SV2C: variants seen among roughly 807,000 people sequenced by gnomAD.
SV2C encodes solute carrier family 22 member B3.
SV2C carries 49 observed loss-of-function variants against 79.7 expected under a neutral mutation model. The ratio of observed to expected loss-of-function variants is 0.61; its 90% CI spans 0.49 to 0.78. SV2C has a LOEUF of 0.78. SV2C is among the 30% of genes least tolerant of loss of function. SV2C has a pLI of 0.00. For synonymous variants in SV2C, 334 were observed against 333.2 expected (o/e 1.00, Z -0.03); for missense variants, 833 against 912.9 (o/e 0.91, Z 1.13).
chr5:76,123,642 A>G (rs952586505), intron 1 of SV2C, among the ~76,000 whole-genome samples: 1 of 152,204 alleles, frequency 6.6e-6, no homozygotes, highest in Non-Finnish European at 1.5e-5. Context: ...GATTATCTCA[A>G]TGGATGCAGA....
chr5:75,967,024 T>A, the SV2C span, among the ~76,000 whole-genome samples: 3 of 152,078 alleles, frequency 2.0e-5, no homozygotes, highest in Admixed American at 2.0e-4. Context: ...TATCATTACT[T>A]TGATTTTTTA....
At chr5:75,914,230 A>G in the SV2C span, among the ~76,000 whole-genome samples, 6 of 152,058 alleles carry the variant, frequency 3.9e-5, no homozygotes, top group Middle Eastern at 6.8e-3. Flanking sequence ...GTTCTTTTAT[A>G]GCTGCCTTCC....
the SV2C span, among the ~76,000 whole-genome samples, chr5:75,973,016 G>A: frequency 6.6e-6 from 1 of 152,046 alleles, no homozygotes; most frequent in Non-Finnish European, 1.5e-5. Flanking sequence ...ATGAGTTCAT[G>A]TCCTTTGTAG....
In SV2C at chr5:76,257,930, T is replaced by C. The variant is rs547792213; in HGVS notation, c.914-27232T>C. ...TGGGTGTGTGTGGTGTGTGTATGTG[T>C]ATGTGTGTGGTGTATGTGTAGTGTG... On this transcript the variant is annotated intron_variant, in intron 4 of 12. Coordinates refer to ENST00000502798, the MANE Select transcript of SV2C (RefSeq NM_014979.4). Among the ~76,000 whole-genome samples, 10 of 149,402 alleles carry C rather than the reference T, an allele frequency of 6.7e-5. No homozygotes were observed. The South Asian group carries it at 2.1e-3, about 32-fold the overall frequency.
the SV2C span, among the ~76,000 whole-genome samples, chr5:75,961,504 A>T: frequency 1.7e-4 from 26 of 152,138 alleles, 2 homozygotes; most frequent in South Asian, 5.4e-3. Flanking sequence ...GAAAAATAAA[A>T]ATAAAATCAT....
rs372553913 is a variant in SV2C, at chr5:76,287,812, C to T, written c.1137+1942C>T. Among the ~76,000 whole-genome samples the T allele has an allele frequency of 1.1e-4, 17 of 152,162 alleles. No individual in the cohort carries two copies. In the East Asian group the frequency reaches 1.7e-3, roughly 16 times the overall value. On this transcript the variant is annotated intron_variant, in intron 6 of 12. Transcript: ENST00000502798. ...TATAATTAGACTAAAAATGGCCAGGCGTGGTGACTCACACCCATAATCCCA... is the reference window on the plus strand; with the variant it reads ...TATAATTAGACTAAAAATGGCCAGGTGTGGTGACTCACACCCATAATCCCA...
chr5:75,934,489 C>T, the SV2C span, among the ~76,000 whole-genome samples: 6 of 151,698 alleles, frequency 4.0e-5, no homozygotes, highest in Non-Finnish European at 8.8e-5. Context: ...GGTTTCACTA[C>T]GTTGGCCAGA....
At chr5:76,155,635 CG>C (rs1742699604) in intron 2 of SV2C, among the ~76,000 whole-genome samples, 1 of 152,106 alleles carries the variant, frequency 6.6e-6, no homozygotes, top group South Asian at 2.1e-4. Flanking sequence ...TTGAATGTGG[CG>C]TGCTGAGAAT....
chr5:75,898,498 A>G, the SV2C span, among the ~76,000 whole-genome samples: 3 of 152,282 alleles, frequency 2.0e-5, no homozygotes, highest in South Asian at 2.1e-4. Context: ...TTTTGCATCA[A>G]TGTTCATCAA....
At chr5:76,048,965 G>GAGAAAGAAAGAAAGAAAGAAAGAA in the SV2C span, among the ~76,000 whole-genome samples, 2,334 of 58,150 alleles carry the variant, frequency 0.04, 112 homozygotes, top group Non-Finnish European at 0.043. Flanking sequence ...GAAAGAAAAA[G>GAGAAAGAAAGAAAGAAAGAAAGAA]AGAAAGAAAG....
intron 1 of SV2C, among the ~76,000 whole-genome samples, chr5:76,090,684 T>TA (rs1180967789): frequency 2.6e-5 from 4 of 152,334 alleles, no homozygotes; most frequent in African/African-American, 9.6e-5. Flanking sequence ...GTTCTAGTTC[T>TA]GCCTTTGTAG....
chr5:76,105,659 C>T (rs2112127757), intron 1 of SV2C, among the ~76,000 whole-genome samples: 1 of 152,264 alleles, frequency 6.6e-6, no homozygotes, highest in South Asian at 2.1e-4. Context: ...TGTGACCTTG[C>T]TAACAACTTC....
chr5:76,301,083 A>T, intron 11 of SV2C, 151 bp downstream of exon 11: 3 of 892,606 alleles, frequency 3.4e-6, no homozygotes, highest in Non-Finnish European at 5.1e-6. Context: ...AGTGAAAATT[A>T]TGTCTAATTA....
the SV2C span, among the ~76,000 whole-genome samples, chr5:75,857,248 C>T: frequency 7.9e-5 from 12 of 152,014 alleles, no homozygotes; most frequent in African/African-American, 2.2e-4. Context: ...TGAGCCACCG[C>T]GCCCGGCCGT....
chr5:76,039,104 T>C, the SV2C span, among the ~76,000 whole-genome samples: 2 of 152,208 alleles, frequency 1.3e-5, no homozygotes, highest in African/African-American at 4.8e-5. Flanking sequence ...GGACACACCT[T>C]GGAGAAAGAA....
the SV2C span, among the ~76,000 whole-genome samples, chr5:75,893,994 T>A: frequency 6.6e-6 from 1 of 152,074 alleles, no homozygotes; most frequent in Non-Finnish European, 1.5e-5. Context: ...GGGAACCAGA[T>A]CATGGAGAAT....
intron 1 of SV2C, among the ~76,000 whole-genome samples, chr5:76,121,689 C>T (rs1433913636): frequency 9.2e-5 from 14 of 151,706 alleles, no homozygotes; most frequent in East Asian, 1.9e-4. Flanking sequence ...AGATATGCGG[C>T]GTTATTTCTG....
chr5:76,140,748 C>A (rs1399785711), intron 2 of SV2C, among the ~76,000 whole-genome samples: 1 of 152,074 alleles, frequency 6.6e-6, no homozygotes, highest in Non-Finnish European at 1.5e-5. Flanking sequence ...ATTTTAAGAC[C>A]CATAACTTTT....
chr5:76,127,147 T>C (rs1011686944), intron 1 of SV2C, among the ~76,000 whole-genome samples: 5 of 152,258 alleles, frequency 3.3e-5, no homozygotes, highest in Admixed American at 1.3e-4. Flanking sequence ...GATCTTTTGA[T>C]TGATGGTGGT....
Sources: allele counts gnomAD v4.1 joint callset (sites outside exome capture counted in the v4.1 genomes callset), GRCh38; gene constraint gnomAD v4.1.1; transcripts MANE v1.5; gene names NCBI Gene and HGNC (gene_info 2026-07-23, HGNC 2026-07-21).